The following ESRRG variants were observed in gnomAD, a reference collection of about 807,000 sequenced individuals.
ESRRG encodes the protein estrogen-related receptor gamma.
A neutral mutation model predicts 44.0 loss-of-function variants in ESRRG; 13 were observed. The ratio of observed to expected loss-of-function variants is 0.30; its 90% CI spans 0.19 to 0.47. ESRRG has a LOEUF of 0.47. ESRRG is among the 20% of genes least tolerant of loss of function. The pLI, the probability that ESRRG is intolerant of heterozygous loss-of-function variation, is 1.00. For synonymous variants in ESRRG, 215 were observed against 214.6 expected (o/e 1.00, Z -0.02); for missense variants, 395 against 580.6 (o/e 0.68, Z 3.29).
At chr1:216,925,875 G>T (rs567164048) in intron 2 of ESRRG, among the ~76,000 whole-genome samples, 1 of 151,954 alleles carries the variant, frequency 6.6e-6, no homozygotes, top group Non-Finnish European at 1.5e-5. Context: ...ACTTGAACCC[G>T]GGGGGTGGAG....
At chr1:216,684,912 A>C (rs889621236) in intron 1 of ESRRG, among the ~76,000 whole-genome samples, 11 of 152,230 alleles carry the variant, frequency 7.2e-5, no homozygotes, top group Non-Finnish European at 1.2e-4. Context: ...ATGCAGCTTA[A>C]TTAACTATAT....
intron 2 of ESRRG, among the ~76,000 whole-genome samples, chr1:216,783,793 A>G (rs1184280787): frequency 1.3e-5 from 2 of 151,974 alleles, no homozygotes; most frequent in Non-Finnish European, 2.9e-5. Context: ...ACTCCTACTT[A>G]AGCTTTGTCC....
chr1:217,108,660 T>G (rs6692300), intron 1 of ESRRG, among the ~76,000 whole-genome samples: 24,404 of 150,696 alleles, frequency 0.16, 2,198 homozygotes, highest in Middle Eastern at 0.24. Context: ...TCCCTCTCCC[T>G]CTCTCTTGCT....
intron 3 of ESRRG, among the ~76,000 whole-genome samples, chr1:216,632,083 T>G (rs2064319614): frequency 6.6e-6 from 1 of 152,320 alleles, no homozygotes; most frequent in South Asian, 2.1e-4. Context: ...TAAAAGAATC[T>G]TATATTTTAG....
rs565974170 is a variant in ESRRG at position 216,785,455 on chromosome 1, T to C, written c.-13-107964A>G. Among the ~76,000 whole-genome samples, 4 of 152,114 alleles carry C rather than the reference T, an allele frequency of 2.6e-5. No individual in the cohort carries two copies. The East Asian group carries it at 7.8e-4, about 30-fold the overall frequency. ...GGTCAGTATTCTAGACATCACGGTG[T>C]TAGGGCACAGTCTGCACTGGCCTGT... On this transcript the variant is annotated intron_variant, in intron 2 of 7. Transcript: ENST00000359162.
chr1:217,108,032 C>G (rs2092619309), intron 1 of ESRRG, among the ~76,000 whole-genome samples: 1 of 152,012 alleles, frequency 6.6e-6, no homozygotes, highest in African/African-American at 2.4e-5. Context: ...AGTGCCTCCC[C>G]ATAACCTACC....
chr1:216,770,577 C>CA lies in ESRRG; in HGVS notation c.-13-93087dup, dbSNP rs200479824. On this transcript the variant is annotated intron_variant, in intron 2 of 7. Coordinates refer to the ESRRG transcript ENST00000359162. ...TGCATATATATATTTCTCAGACATT[C>CA]AATTTTTAATTGAAAGAAAAAAGGA... Among the ~76,000 whole-genome samples the CA allele has an allele frequency of 6.7e-4, 102 of 151,896 alleles. 3 individuals carry two copies. The East Asian group carries it at 0.017, about 26-fold the overall frequency.
At chr1:216,904,738 A>G (rs1314120859) in intron 2 of ESRRG, among the ~76,000 whole-genome samples, 1 of 152,172 alleles carries the variant, frequency 6.6e-6, no homozygotes, top group Non-Finnish European at 1.5e-5. Context: ...TAGAAACACA[A>G]ATGTGTCATC....
intron 1 of ESRRG, among the ~76,000 whole-genome samples, chr1:217,006,636 T>A (rs745671158): frequency 3.9e-5 from 6 of 152,154 alleles, no homozygotes; most frequent in Non-Finnish European, 8.8e-5. Flanking sequence ...AGAATGGGAC[T>A]CAAGTCTAAA....
At chr1:216,797,444 C>G (rs2094500738) in intron 2 of ESRRG, among the ~76,000 whole-genome samples, 1 of 152,050 alleles carries the variant, frequency 6.6e-6, no homozygotes, top group African/African-American at 2.4e-5. Flanking sequence ...TCTGCAGTAC[C>G]AGGAGTTAGT....
At chr1:217,099,230 A>G (rs1281875904) in intron 1 of ESRRG, among the ~76,000 whole-genome samples, 1 of 152,230 alleles carries the variant, frequency 6.6e-6, no homozygotes, top group Non-Finnish European at 1.5e-5. Flanking sequence ...AATGCAAATG[A>G]AGGCATCTTC....
chr1:216,810,937 C>A (rs1194665051), intron 2 of ESRRG, among the ~76,000 whole-genome samples: 1 of 151,496 alleles, frequency 6.6e-6, no homozygotes, highest in Non-Finnish European at 1.5e-5. Context: ...TATTTAGGAA[C>A]AGACCAATAG....
At chr1:216,884,461 G>C (rs1225305384) in intron 2 of ESRRG, among the ~76,000 whole-genome samples, 1 of 151,962 alleles carries the variant, frequency 6.6e-6, no homozygotes, top group Non-Finnish European at 1.5e-5. Context: ...TATTTGCCTT[G>C]GTCTATGTGT....
intron 2 of ESRRG, among the ~76,000 whole-genome samples, chr1:216,662,221 A>G (rs2072649921): frequency 6.6e-6 from 1 of 152,158 alleles, no homozygotes. Context: ...TTCTCAGCAC[A>G]GAAGTAAGGA....
At position 216,723,300 on chromosome 1, in the gene ESRRG, G is replaced by A; in HGVS notation, c.-1C>T. 6.2e-7 allele frequency: 1 copy of A among 1,613,780 alleles called. No individual in the cohort carries two copies. Among genetic ancestry groups the A allele is most frequent in the Non-Finnish European group, 8.5e-7 (1 of 1,179,912 alleles). On this transcript the variant is annotated 5_prime_UTR_variant, in exon 1 of 7. Transcript: ENST00000408911. ...GAAGGCAAAGTTCTACCGAATCCAT[G>A]TGCGACCGGCAACCATTATTTGTGC... is the stretch of plus-strand genomic sequence containing the variant.
At chr1:216,732,465 C>G (rs1278747361) in intron 2 of ESRRG, among the ~76,000 whole-genome samples, 7 of 151,938 alleles carry the variant, frequency 4.6e-5, no homozygotes, top group Non-Finnish European at 8.8e-5. Context: ...CAAACTCCAC[C>G]TCCCGGATTC....
chr1:216,787,124 C>T (rs958041684), intron 2 of ESRRG, among the ~76,000 whole-genome samples: 1 of 152,016 alleles, frequency 6.6e-6, no homozygotes, highest in African/African-American at 2.4e-5. Flanking sequence ...GATCGGTGAT[C>T]GTTAATGTTA....
chr1:216,816,338 T>A (rs2095136217), intron 2 of ESRRG, among the ~76,000 whole-genome samples: 1 of 152,202 alleles, frequency 6.6e-6, no homozygotes, highest in South Asian at 2.1e-4. Flanking sequence ...AATACACATG[T>A]TAATTAGCTC....
At chr1:216,629,126 G>T (rs889658416) in intron 3 of ESRRG, among the ~76,000 whole-genome samples, 1 of 152,074 alleles carries the variant, frequency 6.6e-6, no homozygotes, top group Non-Finnish European at 1.5e-5. Flanking sequence ...CAGTTATATG[G>T]CAAACTCTTC....
Sources: allele counts gnomAD v4.1 joint callset (sites outside exome capture counted in the v4.1 genomes callset), GRCh38; gene constraint gnomAD v4.1.1; transcripts MANE v1.5; gene names NCBI Gene and HGNC (gene_info 2026-07-23, HGNC 2026-07-21).